The following KLHL7 variants were observed in gnomAD, a reference collection of about 807,000 sequenced individuals.
KLHL7 encodes the protein kelch like family member 7.
A neutral mutation model predicts 67.4 loss-of-function variants in KLHL7; 44 were observed. The ratio of observed to expected loss-of-function variants is 0.65; its 90% CI spans 0.51 to 0.84. KLHL7 has a LOEUF of 0.84. Ranked by LOEUF, KLHL7 falls within the 40% of genes least tolerant of loss-of-function variation. The pLI is 0.00. For synonymous variants in KLHL7, 252 were observed against 243.3 expected (o/e 1.04, Z -0.33); for missense variants, 362 against 718.1 (o/e 0.50, Z 5.67).
At chr7:23,151,163 T>TTGTTTGTTTTG (rs1554290801) in intron 6 of KLHL7, among the ~76,000 whole-genome samples, 12 of 146,214 alleles carry the variant, frequency 8.2e-5, no homozygotes, top group Admixed American at 2.0e-4. Context: ...TTTTGTTTTT[T>TTGTTTGTTTTG]TTTTTTTCTT....
intron 1 of KLHL7, among the ~76,000 whole-genome samples, chr7:23,121,035 C>T (rs1783314212): frequency 6.6e-6 from 1 of 152,218 alleles, no homozygotes. Flanking sequence ...CTGCTTTTTA[C>T]TTGGATAAGA....
intron 7 of KLHL7, among the ~76,000 whole-genome samples, chr7:23,159,100 A>G (rs147696585): frequency 3.1e-4 from 47 of 152,266 alleles, no homozygotes; most frequent in African/African-American, 1.1e-3. Flanking sequence ...GCACTTTTTA[A>G]AAAAAAGGAA....
intron 8 of KLHL7, among the ~76,000 whole-genome samples, chr7:23,167,366 G>A (rs893565662): frequency 6.6e-6 from 1 of 152,116 alleles, no homozygotes; most frequent in Non-Finnish European, 1.5e-5. Flanking sequence ...ATATAATTTT[G>A]TTAATGGTGC....
chr7:23,124,887 C>T (rs1332927854), intron 3 of KLHL7, 106 bp downstream of exon 3: 9 of 1,119,938 alleles, frequency 8.0e-6, no homozygotes, highest in Admixed American at 7.6e-5. Flanking sequence ...AAATGAAAAA[C>T]CGCAAGGATG....
chr7:23,124,715 A>C lies in KLHL7; in HGVS notation c.251A>C (p.Glu84Ala). Residue 84 changes from glutamate to alanine, a missense_variant, in exon 3 of 11, where the codon GAA (glutamate) becomes GCA (alanine). This residue lies in a region of KLHL7 where 155 missense variants were observed against 280.8 expected (regional missense o/e 0.55). Coordinates refer to ENST00000339077, the MANE Select transcript of KLHL7 (RefSeq NM_001031710.3). ...TTNMLESKSF[E>A]VELKDAEPDI... ...AACATGCTTGAATCAAAGTCCTTTG[A>C]AGTAGAACTCAAAGATGCTGAACCT... 3 of 1,611,732 alleles carry C rather than the reference A, an allele frequency of 1.9e-6. No homozygotes were observed. Among genetic ancestry groups the C allele is most frequent in the Non-Finnish European group, 2.5e-6 (3 of 1,177,810 alleles).
chr7:23,115,094 G>A (rs1783031872), intron 1 of KLHL7, among the ~76,000 whole-genome samples: 1 of 152,190 alleles, frequency 6.6e-6, no homozygotes, highest in Non-Finnish European at 1.5e-5. Flanking sequence ...TTCTTCAGCA[G>A]CTGCAATGTG....
chr7:23,157,853 A>G (rs955520637), intron 7 of KLHL7, among the ~76,000 whole-genome samples: 2 of 152,208 alleles, frequency 1.3e-5, no homozygotes, highest in African/African-American at 4.8e-5. Context: ...ATTATAAATT[A>G]ACAGATCACT....
At chr7:23,128,746 C>G (rs1017797373) in intron 4 of KLHL7, among the ~76,000 whole-genome samples, 1 of 152,134 alleles carries the variant, frequency 6.6e-6, no homozygotes, top group Non-Finnish European at 1.5e-5. Context: ...CAGTCACTCC[C>G]CATTCTTCCT....
intron 6 of KLHL7, among the ~76,000 whole-genome samples, chr7:23,151,497 A>G (rs1400674904): frequency 2.0e-5 from 3 of 151,082 alleles, no homozygotes; most frequent in African/African-American, 7.4e-5. Flanking sequence ...TGGGGTGTTA[A>G]ATATGCAGAT....
At chr7:23,143,063 A>T (rs953475263) in intron 5 of KLHL7, among the ~76,000 whole-genome samples, 3 of 152,150 alleles carry the variant, frequency 2.0e-5, no homozygotes, top group Admixed American at 2.0e-4. Context: ...AAATTTGTTT[A>T]AAAAAAGACC....
In KLHL7 at chr7:23,148,728, A is replaced by G. The variant is rs1014565877; in HGVS notation, c.794-3339A>G. On this transcript the variant is annotated intron_variant, in intron 6 of 10. Transcript: ENST00000339077. ...TCAGAATCTAGTGTTTAGTTATTAC[A>G]TGGATTCTGAACTGATTAAGAAACA... Among the ~76,000 whole-genome samples the G allele has an allele frequency of 4.6e-5, 7 of 152,230 alleles. No individual in the cohort carries two copies. The South Asian group carries it at 1.4e-3, about 31-fold the overall frequency.
chr7:23,138,244 A>G (rs913885183), intron 4 of KLHL7, among the ~76,000 whole-genome samples: 2 of 151,044 alleles, frequency 1.3e-5, no homozygotes, highest in African/African-American at 4.9e-5. Context: ...CGGGTGGATC[A>G]TGAGGTCAGG....
At chr7:23,145,679 A>G (rs1410216026) in intron 6 of KLHL7, among the ~76,000 whole-genome samples, 6 of 152,196 alleles carry the variant, frequency 3.9e-5, no homozygotes, top group Admixed American at 3.9e-4. Flanking sequence ...GGCATTTGGG[A>G]ACTGGATGAA....
intron 1 of KLHL7, among the ~76,000 whole-genome samples, chr7:23,113,320 T>A (rs529715097): frequency 2.1e-4 from 32 of 152,330 alleles, no homozygotes; most frequent in African/African-American, 7.7e-4. Flanking sequence ...CCCTGTCTTT[T>A]GTTCTTTTTA....
At chr7:23,143,794 G>GTAAT in intron 5 of KLHL7, 57 bp from the exon 6 acceptor site, 1 of 1,512,132 alleles carries the variant, frequency 6.6e-7, no homozygotes, top group South Asian at 1.1e-5. Context: ...GTAAACATAG[G>GTAAT]TAATTGGAAA....
At chr7:23,122,563 T>C (rs1174415802) in intron 1 of KLHL7, among the ~76,000 whole-genome samples, 1 of 152,192 alleles carries the variant, frequency 6.6e-6, no homozygotes, top group Non-Finnish European at 1.5e-5. Flanking sequence ...AAAATAGCTT[T>C]AGTTATAAAC....
intron 5 of KLHL7, among the ~76,000 whole-genome samples, chr7:23,142,616 A>T (rs1379482685): frequency 6.6e-6 from 1 of 152,170 alleles, no homozygotes. Flanking sequence ...TAGTATGCAC[A>T]CTTGATGTAA....
At chr7:23,144,299 T>C (rs1784285497) in intron 6 of KLHL7, among the ~76,000 whole-genome samples, 1 of 152,240 alleles carries the variant, frequency 6.6e-6, no homozygotes, top group Non-Finnish European at 1.5e-5. Context: ...TTGTTTCTAG[T>C]GTTTCCTTTT....
intron 4 of KLHL7, among the ~76,000 whole-genome samples, chr7:23,131,411 G>C (rs1583669222): frequency 6.6e-6 from 1 of 152,084 alleles, no homozygotes; most frequent in East Asian, 1.9e-4. Context: ...GTTGATCTTT[G>C]AAAATGAATC....
Sources: allele counts gnomAD v4.1 joint callset (sites outside exome capture counted in the v4.1 genomes callset), GRCh38; gene constraint gnomAD v4.1.1; regional missense constraint gnomAD v4.1.1; transcripts MANE v1.5; gene names NCBI Gene and HGNC (gene_info 2026-07-23, HGNC 2026-07-21).